Variants in SPPL3 observed in about 807,000 individuals in gnomAD.
SPPL3 encodes signal peptide peptidase-like 3.
SPPL3 carries 5 observed loss-of-function variants against 42.4 expected under a neutral mutation model. The ratio of observed to expected loss-of-function variants is 0.12; its 90% CI spans 0.06 to 0.25. The LOEUF is 0.25. Ranked by LOEUF, SPPL3 falls within the 10% of genes least tolerant of loss-of-function variation. SPPL3 has a pLI of 1.00. For synonymous variants in SPPL3, 195 were observed against 181.8 expected (o/e 1.07, Z -0.58); for missense variants, 235 against 489.0 (o/e 0.48, Z 4.90).
chr12:120,895,689 G>A (rs753099827), intron 1 of SPPL3, among the ~76,000 whole-genome samples: 1 of 152,160 alleles, frequency 6.6e-6, no homozygotes, highest in Non-Finnish European at 1.5e-5. Flanking sequence ...AACAAACAGC[G>A]TGCTTTCACG....
At chr12:120,850,965 A>C (rs1452292933) in intron 1 of SPPL3, among the ~76,000 whole-genome samples, 71 of 152,186 alleles carry the variant, frequency 4.7e-4, no homozygotes, top group Non-Finnish European at 1.3e-4. Context: ...ATCTCATCTC[A>C]AAAATATTAA....
At chr12:120,825,772 G>A (rs985415361) in intron 1 of SPPL3, among the ~76,000 whole-genome samples, 1 of 152,168 alleles carries the variant, frequency 6.6e-6, no homozygotes, top group African/African-American at 2.4e-5. Context: ...CAGTCAGGCA[G>A]AAATATTCAG....
chr12:120,808,852 T>C (rs1025734914), intron 2 of SPPL3, among the ~76,000 whole-genome samples: 2 of 152,220 alleles, frequency 1.3e-5, no homozygotes, highest in African/African-American at 4.8e-5. Flanking sequence ...AGTCTAAAGA[T>C]GGCTTCTTCT....
chr12:120,883,599 A>T (rs1873358980), intron 1 of SPPL3, among the ~76,000 whole-genome samples: 1 of 152,216 alleles, frequency 6.6e-6, no homozygotes, highest in African/African-American at 2.4e-5. Flanking sequence ...CTCAAACTGG[A>T]AACTAAATAT....
At chr12:120,847,861 T>C (rs1049917892) in intron 1 of SPPL3, among the ~76,000 whole-genome samples, 2 of 152,192 alleles carry the variant, frequency 1.3e-5, no homozygotes, top group Non-Finnish European at 2.9e-5. Flanking sequence ...ACCCTGGGTG[T>C]GTCCCCTGGC....
chr12:120,886,105 A>G lies in SPPL3; in HGVS notation c.23+17740T>C, dbSNP rs577135251. Among the ~76,000 whole-genome samples the G allele has an allele frequency of 2.2e-4, 33 of 151,700 alleles. No homozygotes were observed. In the East Asian group the frequency reaches 6.0e-3, roughly 28 times the overall value. The stretch of plus-strand genomic sequence containing the variant: ...TGATCTGCCTGTCTCAGCCTCCCCA[A>G]GTGCTGGGATTACAGGCGTGAGCCA... On this transcript the variant is annotated intron_variant, in intron 1 of 10. Coordinates refer to ENST00000353487, the MANE Select transcript of SPPL3 (RefSeq NM_139015.5).
At chr12:120,877,279 A>T (rs1321865021) in intron 1 of SPPL3, among the ~76,000 whole-genome samples, 1 of 152,194 alleles carries the variant, frequency 6.6e-6, no homozygotes, top group Non-Finnish European at 1.5e-5. Context: ...TTCACTAGTG[A>T]TCTACCAACC....
At chr12:120,853,690 T>G (rs549053970) in intron 1 of SPPL3, among the ~76,000 whole-genome samples, 105 of 152,214 alleles carry the variant, frequency 6.9e-4, no homozygotes, top group African/African-American at 2.5e-3. Context: ...AAAACACAGA[T>G]CGCTGTACCT....
In SPPL3 at chr12:120,762,616, T is replaced by TG. The variant is rs1168897116; in HGVS notation, c.*2382dup. 1.3e-4 allele frequency: 19 copies of TG among 142,292 alleles called. No homozygotes were observed. Among genetic ancestry groups the TG allele is most frequent in the African/African-American group, 4.9e-4 (18 of 36,868 alleles). 8.8% of individuals were successfully genotyped at this position (142,292 alleles called of 1,614,324 possible). On this transcript the variant is annotated 3_prime_UTR_variant, in exon 11 of 11. Coordinates refer to ENST00000353487, the MANE Select transcript of SPPL3 (RefSeq NM_139015.5). ...TTCCTTTTTTTTTTTTTTTTTGAGA[T>TG]GGAGTCTCACCCTGTCGCCCAGACT...
intron 1 of SPPL3, among the ~76,000 whole-genome samples, chr12:120,827,350 AATAAT>A (rs1479551983): frequency 3.7e-5 from 5 of 135,044 alleles, no homozygotes; most frequent in African/African-American, 5.7e-5. Flanking sequence ...TAATAATAAT[AATAAT>A]ATAATAATAT....
intron 1 of SPPL3, among the ~76,000 whole-genome samples, chr12:120,820,549 C>T (rs998456421): frequency 2.0e-5 from 3 of 152,002 alleles, no homozygotes; most frequent in Non-Finnish European, 4.4e-5. Context: ...ATCTCCTGAC[C>T]TTGTGATCTG....
At position 120,903,922 on chromosome 12, in the gene SPPL3, G is replaced by A. The variant is rs909688940; in HGVS notation, c.-55C>T. On this transcript the variant is annotated 5_prime_UTR_variant, in exon 1 of 11. Transcript: ENST00000353487. ...GCTGTGGCCGGGCCCGGCGGCGGCG[G>A]GCTCGCTCGGGCCGTAGCTGAAGGC... 1.1e-5 allele frequency: 14 copies of A among 1,313,550 alleles called. No homozygotes were observed. In the South Asian group the frequency reaches 2.6e-4, roughly 25 times the overall value. The allele number at this position is 1,313,550 out of a possible 1,614,324, so 81.4% of individuals were successfully genotyped here.
intron 1 of SPPL3, among the ~76,000 whole-genome samples, chr12:120,819,553 C>T (rs1870985566): frequency 1.3e-5 from 2 of 152,022 alleles, no homozygotes; most frequent in South Asian, 4.1e-4. Context: ...GAGAAACTAT[C>T]TGCCAAATAT....
chr12:120,840,517 G>A (rs575245152), intron 1 of SPPL3, among the ~76,000 whole-genome samples: 4 of 151,974 alleles, frequency 2.6e-5, no homozygotes, highest in African/African-American at 9.7e-5. Context: ...TCTCTTTGAC[G>A]GGGATAAAAA....
chr12:120,803,272 T>C (rs1455960539), intron 2 of SPPL3, among the ~76,000 whole-genome samples: 4 of 152,244 alleles, frequency 2.6e-5, no homozygotes, highest in Non-Finnish European at 5.9e-5. Flanking sequence ...CTCATACTTT[T>C]AGTTTTCTTT....
intron 1 of SPPL3, among the ~76,000 whole-genome samples, chr12:120,886,966 T>A (rs1337107939): frequency 6.6e-6 from 1 of 150,888 alleles, no homozygotes; most frequent in South Asian, 2.1e-4. Flanking sequence ...TTACATACCA[T>A]CAGTGATATA....
Position 120,763,593 on chromosome 12 carries a change from TA to T in SPPL3, c.*1405del, listed in dbSNP as rs1301339936. On this transcript the variant is annotated 3_prime_UTR_variant, in exon 11 of 11. Coordinates refer to ENST00000353487, the MANE Select transcript of SPPL3 (RefSeq NM_139015.5). Reference sequence around the variant, plus strand: ...CTGCTTAGGTAAAGGTCAGCAGACCTAACACTAGTTACTCCCAGAAATCTGG... The same window carrying T: ...CTGCTTAGGTAAAGGTCAGCAGACCTACACTAGTTACTCCCAGAAATCTGG... The T allele has an allele frequency of 3.9e-5, 6 of 152,882 alleles. No homozygotes were observed. Among genetic ancestry groups the T allele is most frequent in the African/African-American group, 1.2e-4 (5 of 41,556 alleles). The allele number at this position is 152,882 out of a possible 1,614,324, so 9.5% of individuals were successfully genotyped here. A position where few individuals can be genotyped will look rare whatever the true frequency, so the allele number is the denominator to read the frequency against.
chr12:120,894,769 A>C (rs10849812), intron 1 of SPPL3, among the ~76,000 whole-genome samples: 29,469 of 151,968 alleles, frequency 0.19, 4,507 homozygotes, highest in African/African-American at 0.41. Flanking sequence ...AATATGGAGA[A>C]ACCCCGTCTC....
intron 1 of SPPL3, among the ~76,000 whole-genome samples, chr12:120,882,418 C>T (rs1873316323): frequency 6.6e-6 from 1 of 152,086 alleles, no homozygotes. Context: ...CAATTTTATG[C>T]TATGTGTATT....
Sources: gnomAD v4.1 joint callset for allele counts (sites outside exome capture counted in the v4.1 genomes callset) on GRCh38, gnomAD v4.1.1 for gene constraint, MANE v1.5 for transcripts, NCBI Gene and HGNC (gene_info 2026-07-23, HGNC 2026-07-21) for gene names.